The following ALLC variants were observed in gnomAD, a reference collection of about 807,000 sequenced individuals.
The protein encoded by ALLC is probable inactive allantoicase.
A neutral mutation model predicts 45.0 loss-of-function variants in ALLC; 40 were observed. The observed-to-expected ratio is 0.89, with a 90% CI of 0.69 to 1.16. The LOEUF is 1.16. Among genes scored for constraint, ALLC ranks in the 50% most tolerant of loss-of-function variants. ALLC has a pLI of 0.00. For missense variants in ALLC, 488 were observed against 493.1 expected (o/e 0.99, Z 0.10); for synonymous variants, 176 against 178.1 (o/e 0.99, Z 0.09).
rs201672818 is a variant in ALLC at position 3,673,862 on chromosome 2, G to GA, written c.34-207dup. 6.2e-3 allele frequency among the ~76,000 whole-genome samples: 944 copies of GA among 152,238 alleles called. 5 individuals are homozygous for GA. The highest frequency in any genetic ancestry group is 0.022 in the African/African-American group (908 of 41,532). ...ACCTCCAGATGGTAAAGGAGAATCG[G>GA]AAAAAAGGGTGGGAAGAGAAGAAGA... On this transcript the variant is annotated intron_variant, in intron 2 of 11. Coordinates refer to ENST00000252505, the MANE Select transcript of ALLC (RefSeq NM_018436.4).
intron 11 of ALLC, among the ~76,000 whole-genome samples, chr2:3,702,037 T>C (rs535944543): frequency 1.3e-5 from 2 of 152,270 alleles, no homozygotes; most frequent in South Asian, 2.1e-4. Flanking sequence ...CATGTAAAGA[T>C]AGGAAATAAT....
chr2:3,682,736 A>G (rs575435162), intron 6 of ALLC, among the ~76,000 whole-genome samples: 32 of 152,278 alleles, frequency 2.1e-4, no homozygotes, highest in South Asian at 1.7e-3. Flanking sequence ...CGTGTTAGCC[A>G]GGATGGTCTC....
upstream of ALLC, among the ~76,000 whole-genome samples, chr2:3,653,907 C>T (rs554585765): frequency 2.0e-5 from 3 of 152,216 alleles, no homozygotes; most frequent in Non-Finnish European, 4.4e-5. This position sits in a 1 kb window ranked among gnomAD's most constrained non-coding sequence, Gnocchi z 4.1. Context: ...GGTTTATCAT[C>T]TATGGCTGTG....
At chr2:3,700,548 T>C (rs534650404) in intron 10 of ALLC, among the ~76,000 whole-genome samples, 1 of 152,340 alleles carries the variant, frequency 6.6e-6, no homozygotes, top group African/African-American at 2.4e-5. Context: ...AATCTACCAC[T>C]GTCAAACACT....
chr2:3,675,597 T>C (rs115629879), intron 3 of ALLC, among the ~76,000 whole-genome samples: 3,586 of 151,632 alleles, frequency 0.024, 100 homozygotes, highest in African/African-American at 0.066. Flanking sequence ...TATATATATA[T>C]ATACACACAC....
At chr2:3,668,153 T>C (rs1666776257) in intron 1 of ALLC, among the ~76,000 whole-genome samples, 1 of 152,096 alleles carries the variant, frequency 6.6e-6, no homozygotes, top group East Asian at 1.9e-4. Context: ...TTGGGATGCC[T>C]GGGGGCCGTG....
chr2:3,698,858 C>G (rs1667750451), intron 10 of ALLC, among the ~76,000 whole-genome samples: 1 of 152,028 alleles, frequency 6.6e-6, no homozygotes, highest in Non-Finnish European at 1.5e-5. Context: ...GTGTGCTGCA[C>G]TGGGTGAGTG....
chr2:3,675,679 A>G (rs1330117995), intron 3 of ALLC, among the ~76,000 whole-genome samples: 3 of 152,156 alleles, frequency 2.0e-5, no homozygotes, highest in African/African-American at 7.2e-5. Context: ...AGACACATAT[A>G]TTTCTCCTTT....
At chr2:3,693,699 T>C (rs576788954) in intron 7 of ALLC, among the ~76,000 whole-genome samples, 1 of 152,332 alleles carries the variant, frequency 6.6e-6, no homozygotes, top group African/African-American at 2.4e-5. Context: ...CTTGTCCTTA[T>C]GAAGTGAATA....
rs1166283650 is a variant in ALLC at position 3,698,474 on chromosome 2, AT to A, written c.850+1021del. Among the ~76,000 whole-genome samples the A allele has an allele frequency of 2.0e-5, 3 of 152,256 alleles. No individual in the cohort carries two copies. The South Asian group carries it at 6.2e-4, about 32-fold the overall frequency. ...GATTGACCGGGGAAGGGGAGTGACC[AT>A]TTCTTCCCCAGGCTTCACTTTTAAG... On this transcript the variant is annotated intron_variant, in intron 10 of 11. Coordinates refer to ENST00000252505, the MANE Select transcript of ALLC (RefSeq NM_018436.4).
chr2:3,652,580 ATTT>A, the ALLC span, among the ~76,000 whole-genome samples: 85 of 93,344 alleles, frequency 9.1e-4, no homozygotes, highest in Middle Eastern at 6.8e-3. Context: ...AAACTTTGTG[ATTT>A]TTTTTTTTTT....
the ALLC span, among the ~76,000 whole-genome samples, chr2:3,648,089 G>C: frequency 1.3e-5 from 2 of 152,142 alleles, no homozygotes. Context: ...CAGGGAGCCC[G>C]GCAGCCCTGG....
the ALLC span, among the ~76,000 whole-genome samples, chr2:3,648,611 A>G: frequency 6.6e-6 from 1 of 152,160 alleles, no homozygotes; most frequent in Non-Finnish European, 1.5e-5. Flanking sequence ...GCCACAGGGA[A>G]GGCCTGCCAG....
Position 3,678,501 on chromosome 2 carries a change from A to G in ALLC, c.118A>G (p.Thr40Ala), listed in dbSNP as rs754755079. 7.4e-6 allele frequency: 12 copies of G among 1,614,034 alleles called. No individual in the cohort carries two copies. Among genetic ancestry groups the G allele is most frequent in the Non-Finnish European group, 1.0e-5 (12 of 1,179,884 alleles). ...CCCGTGCTTCAAAGAGCATGAATAT[A>G]CGGAGTTTGGGAAATGGATGGATGG... ...DSPCFKEHEY[T>A]EFGKWMDGWE... The change falls in exon 4 of 12, where the codon ACG (threonine) becomes GCG (alanine). Residue 40 changes from threonine to alanine, a missense_variant. By Grantham distance (58) the Thr-to-Ala change is moderately conservative. Transcript: ENST00000252505.
chr2:3,663,654 C>A (rs377266165), intron 1 of ALLC, among the ~76,000 whole-genome samples: 18 of 151,888 alleles, frequency 1.2e-4, no homozygotes, highest in African/African-American at 3.9e-4. Flanking sequence ...TGGTAAGTAG[C>A]CAAATAGATG....
chr2:3,657,772 TTGTG>T (rs1382031529), upstream of ALLC, among the ~76,000 whole-genome samples: 5 of 152,084 alleles, frequency 3.3e-5, no homozygotes, highest in Non-Finnish European at 5.9e-5. Flanking sequence ...CATGAAAATT[TTGTG>T]TGTATTTACT....
At chr2:3,648,976 T>C in the ALLC span, among the ~76,000 whole-genome samples, 3 of 152,270 alleles carry the variant, frequency 2.0e-5, no homozygotes, top group African/African-American at 7.2e-5. Flanking sequence ...GGGTGTTGAG[T>C]ACTGAGTACC....
At chr2:3,668,346 G>A (rs1335317191) in intron 1 of ALLC, among the ~76,000 whole-genome samples, 1 of 152,068 alleles carries the variant, frequency 6.6e-6, no homozygotes, top group African/African-American at 2.4e-5. Flanking sequence ...AAGTGAGGGA[G>A]GTGCTTGTGG....
intron 3 of ALLC, among the ~76,000 whole-genome samples, chr2:3,676,096 C>G (rs1378007261): frequency 2.6e-5 from 4 of 152,252 alleles, no homozygotes; most frequent in Non-Finnish European, 5.9e-5. Flanking sequence ...CTCCGAATAC[C>G]ATCACTCTGG....
Sources: gnomAD v4.1 joint callset for allele counts (sites outside exome capture counted in the v4.1 genomes callset) on GRCh38, gnomAD v4.1.1 for gene constraint, Gnocchi (gnomAD v3.1) non-coding constraint, MANE v1.5 for transcripts, NCBI Gene and HGNC (gene_info 2026-07-23, HGNC 2026-07-21) for gene names.